The following NDUFAB1 variants were observed in gnomAD, a reference collection of about 807,000 sequenced individuals.
NDUFAB1 encodes the protein NADH:ubiquinone oxidoreductase subunit AB1.
In NDUFAB1, 5 loss-of-function variants were observed where a neutral mutation model predicts 16.1. The ratio of observed to expected loss-of-function variants is 0.31; its 90% CI spans 0.16 to 0.65. The LOEUF (loss-of-function observed/expected upper bound fraction) is 0.65. Among genes scored for constraint, NDUFAB1 ranks in the 30% least tolerant of loss-of-function variants. The pLI is 0.77. For synonymous variants in NDUFAB1, 85 were observed against 78.4 expected (o/e 1.08, Z -0.44); for missense variants, 187 against 205.3 (o/e 0.91, Z 0.54).
chr16:23,590,305 C>A (rs955776116), intron 1 of NDUFAB1, among the ~76,000 whole-genome samples: 1 of 152,308 alleles, frequency 6.6e-6, no homozygotes, highest in Admixed American at 6.5e-5. Flanking sequence ...AGAGCTCAGA[C>A]GCTGAAACTA....
At position 23,590,986 on chromosome 16, in the gene NDUFAB1, A is replaced by G. The variant is rs1360210432; in HGVS notation, c.169-3667T>C. 2.0e-5 allele frequency: 3 copies of G among 152,086 alleles called. No homozygotes were observed. The Middle Eastern group carries it at 0.01, about 517-fold the overall frequency. The allele number at this position is 152,086 out of a possible 1,614,324, so 9.4% of individuals were successfully genotyped here. On this transcript the variant is annotated intron_variant, in intron 1 of 4. Coordinates refer to ENST00000007516, the MANE Select transcript of NDUFAB1 (RefSeq NM_005003.3). ...GGCTATGATATTGCACTTTACACACATCATCTTTCTTCAGCTCTCCAGTAT... is the reference window on the plus strand; with the variant it reads ...GGCTATGATATTGCACTTTACACACGTCATCTTTCTTCAGCTCTCCAGTAT...
chr16:23,590,506 G>GT (rs1235833509), intron 1 of NDUFAB1, among the ~76,000 whole-genome samples: 1 of 152,164 alleles, frequency 6.6e-6, no homozygotes, highest in Non-Finnish European at 1.5e-5. Flanking sequence ...ACTTAACACA[G>GT]TAAGTGCTAT....
chr16:23,595,736 A>G (rs529153389), intron 1 of NDUFAB1: 1 of 460,114 alleles, frequency 2.2e-6, no homozygotes, highest in Admixed American at 2.8e-5. Flanking sequence ...CTTTCACTAC[A>G]ATACGGTGAC....
At chr16:23,592,703 T>C (rs528450903) in intron 1 of NDUFAB1, among the ~76,000 whole-genome samples, 6 of 152,326 alleles carry the variant, frequency 3.9e-5, no homozygotes, top group African/African-American at 1.2e-4. Flanking sequence ...TTTTGTTTTT[T>C]TGTTTTTTCC....
Position 23,582,250 on chromosome 16 carries a change from G to T in NDUFAB1, c.*8+26C>A, listed in dbSNP as rs770074269. ...AAGAACCACAGACAAATCTATGGGTGAACATCATTTTTTAAGTCTATTTAC... is the reference window on the plus strand; with the variant it reads ...AAGAACCACAGACAAATCTATGGGTTAACATCATTTTTTAAGTCTATTTAC... On this transcript the variant is annotated intron_variant, in intron 4 of 4. Coordinates refer to ENST00000007516, the MANE Select transcript of NDUFAB1 (RefSeq NM_005003.3). 34 of 1,437,242 alleles carry T rather than the reference G, an allele frequency of 2.4e-5. 1 individual carries two copies. The Middle Eastern group carries it at 9.1e-4, about 38-fold the overall frequency. 89.0% of individuals were successfully genotyped at this position (1,437,242 alleles called of 1,614,324 possible).
At chr16:23,587,367 T>C (rs766511863) in intron 1 of NDUFAB1, 48 bp from the exon 2 acceptor site, 1 of 1,604,618 alleles carries the variant, frequency 6.2e-7, no homozygotes, top group Non-Finnish European at 8.5e-7. Flanking sequence ...GGAAAATACC[T>C]CTAAATCAAT....
chr16:23,582,231 C>T, intron 4 of NDUFAB1, 45 bp downstream of exon 4: 2 of 1,383,232 alleles, frequency 1.4e-6, no homozygotes, highest in Non-Finnish European at 9.4e-7. Context: ...ATTGAAGAAC[C>T]ACAGACAAAT....
intron 3 of NDUFAB1, among the ~76,000 whole-genome samples, chr16:23,582,913 C>T (rs1162768377): frequency 6.6e-6 from 1 of 152,254 alleles, no homozygotes; most frequent in African/African-American, 2.4e-5. Flanking sequence ...CTGCAACCTC[C>T]CTGCCTGATT....
At chr16:23,594,123 C>T (rs903619303) in intron 1 of NDUFAB1, among the ~76,000 whole-genome samples, 5 of 151,908 alleles carry the variant, frequency 3.3e-5, no homozygotes, top group Admixed American at 3.3e-4. Flanking sequence ...CCTCGTGATC[C>T]GCCCGTCTCG....
intron 3 of NDUFAB1, among the ~76,000 whole-genome samples, chr16:23,584,256 A>AAAAAAAAAAAAG: frequency 1.6e-5 from 1 of 63,236 alleles, no homozygotes; most frequent in African/African-American, 6.3e-5. Context: ...ATGATCAATT[A>AAAAAAAAAAAAG]AAAAAAAAAA....
intron 3 of NDUFAB1, among the ~76,000 whole-genome samples, chr16:23,582,708 CTCTCCCTCTCCCCACGG>C (rs1051564161): frequency 6.9e-6 from 1 of 145,262 alleles, no homozygotes; most frequent in African/African-American, 2.6e-5. Context: ...ACCCAGCTCC[CTCTCCCTCTCCCCACGG>C]TCTCCCTCTC....
chr16:23,583,025 G>C (rs144254127), intron 3 of NDUFAB1, among the ~76,000 whole-genome samples: 580 of 136,014 alleles, frequency 4.3e-3, no homozygotes, highest in South Asian at 5.6e-3. Context: ...CGCTGTGTTG[G>C]CTGGGCTGGT....
At chr16:23,586,023 G>A (rs1254131824) in intron 2 of NDUFAB1, among the ~76,000 whole-genome samples, 1 of 152,144 alleles carries the variant, frequency 6.6e-6, no homozygotes, top group Non-Finnish European at 1.5e-5. Context: ...GGCCTCCCGG[G>A]TTCAAGCAAT....
At chr16:23,585,105 A>G (rs1270888905) in intron 3 of NDUFAB1, among the ~76,000 whole-genome samples, 1 of 152,328 alleles carries the variant, frequency 6.6e-6, no homozygotes, top group East Asian at 1.9e-4. Context: ...TCTTGGCACC[A>G]CACTGGGCAC....
At chr16:23,581,371 C>A (rs754634388) in intron 4 of NDUFAB1, among the ~76,000 whole-genome samples, 198 bp from the exon 5 acceptor site, 2 of 152,092 alleles carry the variant, frequency 1.3e-5, no homozygotes, top group South Asian at 4.1e-4. Flanking sequence ...CATGGTGAAA[C>A]CCCATCTCTA....
Position 23,582,565 on chromosome 16 carries a change from ATGTTTGTTTGTT to A in NDUFAB1, c.380-202_380-191del, listed in dbSNP as rs56827728. Among the ~76,000 whole-genome samples the A allele has an allele frequency of 2.4e-4, 36 of 151,576 alleles. 1 individual carries two copies. The East Asian group carries it at 5.8e-3, about 25-fold the overall frequency. ...AGGTTGGGTACGATGCTTTGGAGGT[ATGTTTGTTTGTT>A]TGTTTGTTTGTTTGTTGAGATAGAA... On this transcript the variant is annotated intron_variant, in intron 3 of 4. Coordinates refer to ENST00000007516, the MANE Select transcript of NDUFAB1 (RefSeq NM_005003.3).
intron 1 of NDUFAB1, chr16:23,591,227 TGTTA>T (rs1476189249): frequency 6.2e-5 from 4 of 64,998 alleles, no homozygotes; most frequent in Admixed American, 5.0e-4. Context: ...ATGTTTCTGG[TGTTA>T]GTTGTTCTTC....
chr16:23,586,197 A>T (rs1333495769), intron 2 of NDUFAB1, among the ~76,000 whole-genome samples: 1 of 152,106 alleles, frequency 6.6e-6, no homozygotes, highest in Admixed American at 6.5e-5. Flanking sequence ...AAGTGCTGGG[A>T]TTACAGGCGT....
chr16:23,589,962 A>AAG (rs1966265246), intron 1 of NDUFAB1, among the ~76,000 whole-genome samples: 2 of 132,180 alleles, frequency 1.5e-5, no homozygotes, highest in African/African-American at 5.8e-5. Flanking sequence ...AAAAAAAAAA[A>AAG]AAAGAAATGG....
Sources: gnomAD v4.1 joint callset for allele counts (sites outside exome capture counted in the v4.1 genomes callset) on GRCh38, gnomAD v4.1.1 for gene constraint, MANE v1.5 for transcripts, NCBI Gene and HGNC (gene_info 2026-07-23, HGNC 2026-07-21) for gene names.